PARVA: variants seen among roughly 807,000 people sequenced by gnomAD.
PARVA encodes alpha-parvin.
In PARVA, 25 loss-of-function variants were observed where a neutral mutation model predicts 52.6. The observed-to-expected ratio is 0.48, with a 90% CI of 0.35 to 0.66. PARVA has a LOEUF of 0.66. PARVA is among the 30% of genes least tolerant of loss of function. The pLI is 0.01. For missense variants in PARVA, 373 were observed against 450.9 expected (o/e 0.83, Z 1.56); for synonymous variants, 185 against 179.1 (o/e 1.03, Z -0.26).
intron 5 of PARVA, among the ~76,000 whole-genome samples, chr11:12,500,455 A>T (rs935180760): frequency 1.2e-4 from 19 of 152,186 alleles, no homozygotes; most frequent in Non-Finnish European, 2.6e-4. Context: ...ATCTGTTTTA[A>T]TTGGAAAAAT....
intron 3 of PARVA, among the ~76,000 whole-genome samples, chr11:12,474,499 C>T (rs547380565): frequency 3.0e-4 from 46 of 152,268 alleles, no homozygotes; most frequent in African/African-American, 1.0e-3. Context: ...TTCTCCCCTG[C>T]GTCTTATTCC....
intron 1 of PARVA, among the ~76,000 whole-genome samples, chr11:12,400,889 A>AGGGAGTGTGG (rs1939818256): frequency 6.6e-6 from 1 of 152,214 alleles, no homozygotes; most frequent in Non-Finnish European, 1.5e-5. Flanking sequence ...GTGCTATACT[A>AGGGAGTGTGG]GCAGTGTGGG....
chr11:12,379,995 T>C (rs1284219262), intron 1 of PARVA, among the ~76,000 whole-genome samples: 2 of 152,222 alleles, frequency 1.3e-5, no homozygotes, highest in African/African-American at 2.4e-5. Context: ...TTTATCTCTC[T>C]GTACCTATCA....
At chr11:12,384,085 C>G (rs751354229) in intron 1 of PARVA, among the ~76,000 whole-genome samples, 6 of 152,216 alleles carry the variant, frequency 3.9e-5, no homozygotes, top group Non-Finnish European at 8.8e-5. Context: ...GGTCCCTTCT[C>G]TCCTTGCTCA....
intron 1 of PARVA, among the ~76,000 whole-genome samples, chr11:12,468,978 T>C (rs1940893429): frequency 1.3e-5 from 2 of 152,196 alleles, no homozygotes; most frequent in South Asian, 4.1e-4. Context: ...AAGATCATCA[T>C]GATTCGTTTA....
intron 1 of PARVA, among the ~76,000 whole-genome samples, chr11:12,381,732 TAAGG>T (rs927257165): frequency 2.0e-5 from 3 of 152,180 alleles, no homozygotes; most frequent in South Asian, 2.1e-4. Context: ...AAGAAAATCA[TAAGG>T]AAGAGAAAAT....
At chr11:12,485,853 C>T (rs761743331) in intron 4 of PARVA, among the ~76,000 whole-genome samples, 46 of 152,110 alleles carry the variant, frequency 3.0e-4, no homozygotes, top group Non-Finnish European at 1.0e-4. Context: ...TCTTCCTCCC[C>T]AGCCTACCCA....
chr11:12,388,534 A>AT (rs914363830), intron 1 of PARVA, among the ~76,000 whole-genome samples: 5 of 152,034 alleles, frequency 3.3e-5, no homozygotes, highest in African/African-American at 1.2e-4. Context: ...TTACCATCTG[A>AT]TTTTTTTTAA....
chr11:12,510,970 A>G (rs1020101314), intron 7 of PARVA, among the ~76,000 whole-genome samples: 1 of 152,134 alleles, frequency 6.6e-6, no homozygotes, highest in African/African-American at 2.4e-5. Flanking sequence ...CTTCTCTGCT[A>G]TGAGTGTGGT....
At chr11:12,455,313 G>T (rs889628248) in intron 1 of PARVA, among the ~76,000 whole-genome samples, 2 of 152,136 alleles carry the variant, frequency 1.3e-5, no homozygotes, top group South Asian at 4.1e-4. Context: ...TATTTGACCA[G>T]CCAGAGATAC....
intron 1 of PARVA, among the ~76,000 whole-genome samples, chr11:12,395,608 G>T (rs575523960): frequency 5.9e-5 from 9 of 152,166 alleles, no homozygotes; most frequent in Non-Finnish European, 1.3e-4. Context: ...TGAAAGGTAC[G>T]GTGCGGCCCA....
rs900785511 is a variant in PARVA at position 12,533,788 on chromosome 11, T to C, written c.*5863T>C. On this transcript the variant is annotated 3_prime_UTR_variant, in exon 13 of 13. Transcript: ENST00000334956. Reference sequence around the variant, plus strand: ...GGTCATCATAAAGTCCTCATCCTCATGGTCATCACATTGAGTAGGCGGAGG... The same window carrying C: ...GGTCATCATAAAGTCCTCATCCTCACGGTCATCACATTGAGTAGGCGGAGG... Among the ~76,000 whole-genome samples the C allele has an allele frequency of 4.0e-5, 6 of 149,598 alleles. No individual in the cohort carries two copies. The highest frequency in any genetic ancestry group is 1.0e-4 in the African/African-American group (4 of 39,944).
chr11:12,408,189 A>G (rs990778393), intron 1 of PARVA, among the ~76,000 whole-genome samples: 1 of 148,416 alleles, frequency 6.7e-6, no homozygotes, highest in African/African-American at 2.5e-5. Context: ...CTGAGACCCC[A>G]TTGTCTCTCA....
chr11:12,503,282 T>A (rs1385775290), intron 5 of PARVA, among the ~76,000 whole-genome samples: 1 of 152,192 alleles, frequency 6.6e-6, no homozygotes, highest in African/African-American at 2.4e-5. Context: ...GACCTAGTGT[T>A]CCTGACTCAA....
intron 1 of PARVA, chr11:12,398,147 G>C (rs1939776538): frequency 6.6e-6 from 1 of 152,158 alleles, no homozygotes; most frequent in Admixed American, 6.5e-5. Context: ...CCAACTAGGA[G>C]CAGACACCCA....
chr11:12,396,374 G>C (rs1050990003), intron 1 of PARVA, among the ~76,000 whole-genome samples: 16 of 151,980 alleles, frequency 1.1e-4, no homozygotes, highest in African/African-American at 3.9e-4. Context: ...AATTTGTCTA[G>C]TTTGTCCATT....
At chr11:12,380,039 G>A (rs1589934256) in intron 1 of PARVA, among the ~76,000 whole-genome samples, 2 of 152,094 alleles carry the variant, frequency 1.3e-5, no homozygotes, top group South Asian at 2.1e-4. Flanking sequence ...GTCTGGGGTG[G>A]CCTTTTATTA....
At chr11:12,416,262 C>G (rs1480234333) in intron 1 of PARVA, among the ~76,000 whole-genome samples, 1 of 152,188 alleles carries the variant, frequency 6.6e-6, no homozygotes, top group Non-Finnish European at 1.5e-5. Context: ...AACGTTAGGG[C>G]TGGTTGAGGC....
Position 12,468,913 on chromosome 11 carries a change from T to A in PARVA, c.137-4832T>A, listed in dbSNP as rs368656807. Among the ~76,000 whole-genome samples the A allele has an allele frequency of 7.9e-5, 12 of 152,326 alleles. No homozygotes were observed. The East Asian group carries it at 2.3e-3, about 29-fold the overall frequency. On this transcript the variant is annotated intron_variant, in intron 1 of 12. Transcript: ENST00000334956. Reference sequence around the variant, plus strand: ...AGCTTCTAGAAATTTTCTGTCACAGTTCATTGACCAGAATTGACATGATGA... The same window carrying A: ...AGCTTCTAGAAATTTTCTGTCACAGATCATTGACCAGAATTGACATGATGA...
Sources: gnomAD v4.1 joint callset for allele counts (sites outside exome capture counted in the v4.1 genomes callset) on GRCh38, gnomAD v4.1.1 for gene constraint, MANE v1.5 for transcripts, NCBI Gene and HGNC (gene_info 2026-07-23, HGNC 2026-07-21) for gene names.